THRB: variants seen among roughly 807,000 people sequenced by gnomAD.
The protein encoded by THRB is thyroid hormone receptor beta.
A neutral mutation model predicts 47.8 loss-of-function variants in THRB; 12 were observed. That is an observed-to-expected ratio of 0.25 (90% CI 0.16 to 0.41). The LOEUF is 0.41. Among genes scored for constraint, THRB ranks in the 10% least tolerant of loss-of-function variants. THRB has a pLI of 1.00. For missense variants in THRB, 348 were observed against 589.2 expected (o/e 0.59, Z 4.24); for synonymous variants, 218 against 212.2 (o/e 1.03, Z -0.24).
chr3:24,246,286 C>T (rs918385718), intron 3 of THRB, among the ~76,000 whole-genome samples: 15 of 152,118 alleles, frequency 9.9e-5, no homozygotes, highest in African/African-American at 3.4e-4. Context: ...TTGTTACACA[C>T]CAAGAGAAGA....
intron 5 of THRB, among the ~76,000 whole-genome samples, chr3:24,163,033 A>T (rs1427247986): frequency 6.6e-6 from 1 of 152,202 alleles, no homozygotes; most frequent in Non-Finnish European, 1.5e-5. Context: ...TTGGAAAATG[A>T]GGCCTACCCC....
intron 2 of THRB, among the ~76,000 whole-genome samples, chr3:24,303,051 A>C (rs1273877887): frequency 6.6e-6 from 1 of 152,208 alleles, no homozygotes; most frequent in East Asian, 1.9e-4. Context: ...AAAAAAGGTA[A>C]TATTTCTCAT....
intron 3 of THRB, among the ~76,000 whole-genome samples, chr3:24,281,141 T>G (rs2054548823): frequency 2.0e-5 from 3 of 151,958 alleles, no homozygotes. Flanking sequence ...ATTGTCAGAT[T>G]CACCAAAGCT....
chr3:24,422,690 G>A (rs868144402), intron 1 of THRB, among the ~76,000 whole-genome samples: 1 of 151,834 alleles, frequency 6.6e-6, no homozygotes, highest in Non-Finnish European at 1.5e-5. Flanking sequence ...ACTTACTTGT[G>A]GGGACATGAC....
chr3:24,347,236 T>C (rs2063075353), intron 1 of THRB, among the ~76,000 whole-genome samples: 2 of 152,098 alleles, frequency 1.3e-5, no homozygotes, highest in South Asian at 4.1e-4. Context: ...GAGATGCAGC[T>C]AAAGGTGTGA....
chr3:24,321,166 C>T (rs564438194), intron 2 of THRB, among the ~76,000 whole-genome samples: 2 of 152,256 alleles, frequency 1.3e-5, no homozygotes, highest in African/African-American at 4.8e-5. Context: ...TTTACACCCC[C>T]AGTCTCCATC....
chr3:24,310,429 C>T lies in THRB; in HGVS notation c.-188-13058G>A, dbSNP rs373619625. Among the ~76,000 whole-genome samples, 23 of 152,294 alleles carry T rather than the reference C, an allele frequency of 1.5e-4. No homozygotes were observed. The South Asian group carries it at 3.9e-3, about 26-fold the overall frequency. ...ACATAAACAACTACTTCTTCCAGAA[C>T]TTCAGTGACCACTCATTTGCTCTAC... On this transcript the variant is annotated intron_variant, in intron 2 of 10. Transcript: ENST00000646209.
intron 3 of THRB, among the ~76,000 whole-genome samples, chr3:24,255,449 G>T (rs1046127192): frequency 6.6e-6 from 1 of 152,158 alleles, no homozygotes; most frequent in African/African-American, 2.4e-5. Context: ...ATATATTAAT[G>T]AAGTTAATTA....
chr3:24,304,697 G>GA (rs2149131037), intron 2 of THRB, among the ~76,000 whole-genome samples: 1 of 152,104 alleles, frequency 6.6e-6, no homozygotes, highest in African/African-American at 2.4e-5. Flanking sequence ...AAATATAGTG[G>GA]AAAACAAAAA....
At chr3:24,270,698 G>A (rs1476650377) in intron 3 of THRB, among the ~76,000 whole-genome samples, 1 of 152,228 alleles carries the variant, frequency 6.6e-6, no homozygotes, top group Admixed American at 6.5e-5. Context: ...ACAGGCCTGG[G>A]AGTGGGCAGA....
intron 3 of THRB, among the ~76,000 whole-genome samples, chr3:24,283,997 C>T (rs1238485719): frequency 7.8e-6 from 1 of 128,962 alleles, no homozygotes; most frequent in Non-Finnish European, 1.7e-5. Context: ...TGAAAATGGC[C>T]ATACTGCCCA....
At chr3:24,289,265 GAGAA>G (rs1331374616) in intron 3 of THRB, among the ~76,000 whole-genome samples, 1 of 152,210 alleles carries the variant, frequency 6.6e-6, no homozygotes, top group East Asian at 1.9e-4. Flanking sequence ...ACTTCACTAT[GAGAA>G]AGATGTTTCA....
Position 24,431,527 on chromosome 3 carries a change from G to T in THRB, c.-261+63125C>A, listed in dbSNP as rs567293298. ...GATGTGGAGCAAAAAGAAGCCTAATGCACCACTTCTTGGAGGGAGTGTTGA... is the reference window on the plus strand; with the variant it reads ...GATGTGGAGCAAAAAGAAGCCTAATTCACCACTTCTTGGAGGGAGTGTTGA... On this transcript the variant is annotated intron_variant, in intron 1 of 10. Coordinates refer to ENST00000646209, the MANE Select transcript of THRB (RefSeq NM_001354712.2). Among the ~76,000 whole-genome samples, 21 of 152,168 alleles carry T rather than the reference G, an allele frequency of 1.4e-4. No homozygotes were observed. In the South Asian group the frequency reaches 4.2e-3, roughly 30 times the overall value.
chr3:24,270,953 A>C (rs2053256245), intron 3 of THRB, among the ~76,000 whole-genome samples: 1 of 152,178 alleles, frequency 6.6e-6, no homozygotes, highest in African/African-American at 2.4e-5. Context: ...AAGGGTGTGA[A>C]AGGCTCCCCC....
rs200586026 is a variant in THRB, at chr3:24,269,403, G to GCACA, written c.-43+27819_-43+27822dup. On this transcript the variant is annotated intron_variant, in intron 3 of 10. Coordinates refer to ENST00000646209, the MANE Select transcript of THRB (RefSeq NM_001354712.2). Reference sequence around the variant, plus strand: ...ATAGCTCACACGCGCGCGCGCGCGCGCACACACACACACACACACACACAC... The same window carrying GCACA: ...ATAGCTCACACGCGCGCGCGCGCGCGCACACACACACACACACACACACACACAC... Among the ~76,000 whole-genome samples, 488 of 72,608 alleles carry GCACA rather than the reference G, an allele frequency of 6.7e-3. 12 individuals are homozygous for GCACA. Among genetic ancestry groups the GCACA allele is most frequent in the Admixed American group, 0.038 (322 of 8,374 alleles). 47.6% of individuals were successfully genotyped at this position (72,608 alleles called of 152,430 possible).
chr3:24,456,263 A>G (rs2073164359), intron 1 of THRB, among the ~76,000 whole-genome samples: 1 of 151,796 alleles, frequency 6.6e-6, no homozygotes, highest in Non-Finnish European at 1.5e-5. Flanking sequence ...TGACCCCAGG[A>G]GGTGGAGGCT....
chr3:24,191,872 G>A (rs1166072495), intron 4 of THRB, among the ~76,000 whole-genome samples: 2 of 152,202 alleles, frequency 1.3e-5, no homozygotes, highest in African/African-American at 4.8e-5. Context: ...GCTGTGGCTT[G>A]AAATAGCTTA....
intron 1 of THRB, among the ~76,000 whole-genome samples, chr3:24,452,723 A>G (rs2072787976): frequency 1.3e-5 from 2 of 152,222 alleles, no homozygotes; most frequent in South Asian, 4.2e-4. Flanking sequence ...TCACTCAAAT[A>G]GTAAATGGAG....
At chr3:24,441,982 C>T (rs2071574106) in intron 1 of THRB, among the ~76,000 whole-genome samples, 1 of 152,088 alleles carries the variant, frequency 6.6e-6, no homozygotes, top group Non-Finnish European at 1.5e-5. Flanking sequence ...TGAGAACTGC[C>T]ACTTTTTCAC....
Sources: gnomAD v4.1 joint callset for allele counts (sites outside exome capture counted in the v4.1 genomes callset) on GRCh38, gnomAD v4.1.1 for gene constraint, MANE v1.5 for transcripts, NCBI Gene and HGNC (gene_info 2026-07-23, HGNC 2026-07-21) for gene names.